Variants in CCDC3 observed in about 807,000 individuals in gnomAD.
CCDC3 encodes coiled-coil domain containing 3, also known as coiled-coil domain-containing protein 3.
CCDC3 carries 24 observed loss-of-function variants against 21.4 expected under a neutral mutation model. That is an observed-to-expected ratio of 1.12 (90% CI 0.81 to 1.58). The LOEUF (loss-of-function observed/expected upper bound fraction) is 1.58. Ranked by LOEUF, CCDC3 falls within the 40% of genes most tolerant of loss-of-function variation. The probability of loss-of-function intolerance (pLI) is 0.00; values close to 1 mark genes in which losing one functional copy is unlikely to be tolerated. For missense variants in CCDC3, 425 were observed against 360.9 expected, an observed-to-expected ratio of 1.18 and a Z score of -1.44; for synonymous variants, 186 against 166.0, an observed-to-expected ratio of 1.12 and a Z score of -0.93.
chr10:13,022,763 T>C (rs1329296083), intron 5 of CCDC3, among the ~76,000 whole-genome samples: 2 of 152,226 alleles, frequency 1.3e-5, no homozygotes, highest in African/African-American at 2.4e-5. Context: ...AAGATATTAG[T>C]ATCTATGTAT....
intron 4 of CCDC3, among the ~76,000 whole-genome samples, chr10:13,060,104 T>G (rs1659844): frequency 0.58 from 88,230 of 151,806 alleles, 26,438 homozygotes; most frequent in African/African-American, 0.73. Flanking sequence ...CAAAAAACAT[T>G]GTTTTTCTAC....
chr10:12,933,462 T>A (rs533323821), intron 2 of CCDC3, among the ~76,000 whole-genome samples: 1 of 151,120 alleles, frequency 6.6e-6, no homozygotes, highest in African/African-American at 2.4e-5. Context: ...CCCTTTATTT[T>A]TTTTTTTTTT....
At chr10:12,899,690 A>G (rs897095437) in intron 2 of CCDC3, among the ~76,000 whole-genome samples, 1 of 152,250 alleles carries the variant, frequency 6.6e-6, no homozygotes, top group Non-Finnish European at 1.5e-5. Context: ...GCTGTGCAGA[A>G]CAGTGTGTAT....
In CCDC3 at chr10:12,898,201, G is replaced by C; in HGVS notation, c.*215C>G. On this transcript the variant is annotated 3_prime_UTR_variant, in exon 3 of 3. Transcript: ENST00000378825. The stretch of plus-strand genomic sequence containing the variant: ...TCTGGACTGCCAGGCACTGCGTCTG[G>C]GGTCAGGCCAGGAAGGGGCAGCGCG... 1.7e-6 allele frequency: 1 copy of C among 599,070 alleles called. No individual in the cohort carries two copies. Among genetic ancestry groups the C allele is most frequent in the Non-Finnish European group, 2.9e-6 (1 of 346,188 alleles). The allele number at this position is 599,070 out of a possible 1,614,324, so 37.1% of individuals were successfully genotyped here. A position where few individuals can be genotyped will look rare whatever the true frequency, so the allele number is the denominator to read the frequency against.
chr10:12,982,025 C>T (rs111919335), intron 2 of CCDC3, among the ~76,000 whole-genome samples: 3 of 144,362 alleles, frequency 2.1e-5, no homozygotes, highest in Admixed American at 7.4e-5. Flanking sequence ...TGGAGGCTGA[C>T]GCAGGAGAAT....
chr10:12,898,672 C>A lies in CCDC3; in HGVS notation c.557G>T (p.Cys186Phe). The change falls in exon 3 of 3, where the codon TGC (cysteine) becomes TTC (phenylalanine). Residue 186 changes from cysteine to phenylalanine, a missense_variant. Coordinates refer to ENST00000378825, the MANE Select transcript of CCDC3 (RefSeq NM_031455.4). ...WEIQEDSRLM[C>F]SSVQKALFEE... Reference sequence around the variant, plus strand: ...AAACAAGGCCTTCTGCACCGAGGAGCACATGAGCTGGAGGCAGAGACAGCG... The same window carrying A: ...AAACAAGGCCTTCTGCACCGAGGAGAACATGAGCTGGAGGCAGAGACAGCG... 1 of 1,614,054 alleles carries A rather than the reference C, an allele frequency of 6.2e-7. No homozygotes were observed. The highest frequency in any genetic ancestry group is 8.5e-7 in the Non-Finnish European group (1 of 1,179,930).
chr10:12,899,090 C>T (rs1036806560), intron 2 of CCDC3, among the ~76,000 whole-genome samples: 4 of 152,026 alleles, frequency 2.6e-5, no homozygotes, highest in African/African-American at 4.8e-5. Flanking sequence ...CTTACATTCG[C>T]GAAGGCTCTG....
At chr10:12,974,878 G>A (rs1392705932) in intron 2 of CCDC3, among the ~76,000 whole-genome samples, 2 of 152,162 alleles carry the variant, frequency 1.3e-5, no homozygotes, top group Non-Finnish European at 2.9e-5. Context: ...ATCGTTGAAC[G>A]TTACTAATAT....
chr10:12,971,681 G>T (rs573113974), intron 2 of CCDC3, among the ~76,000 whole-genome samples: 5 of 151,978 alleles, frequency 3.3e-5, no homozygotes, highest in Non-Finnish European at 7.4e-5. Context: ...CCCAAGCCCC[G>T]AAGTTTTTAT....
intron 2 of CCDC3, among the ~76,000 whole-genome samples, chr10:12,915,813 T>G (rs4750282): frequency 1.3e-5 from 2 of 152,100 alleles, no homozygotes; most frequent in Non-Finnish European, 2.9e-5. Context: ...TGGTGGACCT[T>G]GACCCTGGAT....
intron 4 of CCDC3, among the ~76,000 whole-genome samples, chr10:13,068,904 T>C (rs1210892437): frequency 6.6e-6 from 1 of 152,198 alleles, no homozygotes; most frequent in Admixed American, 6.5e-5. Context: ...GCTTGAAGGA[T>C]TGTTTTGAAT....
intron 2 of CCDC3, among the ~76,000 whole-genome samples, chr10:12,932,569 C>T (rs72775702): frequency 0.021 from 3,202 of 152,238 alleles, 42 homozygotes; most frequent in Middle Eastern, 0.054. Context: ...GAGTCTTTTG[C>T]TATTTGGGGG....
chr10:13,061,249 A>C (rs1169835702), intron 4 of CCDC3, among the ~76,000 whole-genome samples: 1 of 152,182 alleles, frequency 6.6e-6, no homozygotes, highest in Admixed American at 6.5e-5. Flanking sequence ...GCTGGAACAC[A>C]CAGTTCCACC....
At chr10:12,958,827 C>T (rs951615308) in intron 2 of CCDC3, among the ~76,000 whole-genome samples, 3 of 152,126 alleles carry the variant, frequency 2.0e-5, no homozygotes, top group Non-Finnish European at 2.9e-5. Context: ...GGGAACAGCA[C>T]GCTTCTTTCC....
chr10:12,974,285 G>A (rs78873219), intron 2 of CCDC3, among the ~76,000 whole-genome samples: 3,455 of 152,306 alleles, frequency 0.023, 126 homozygotes, highest in African/African-American at 0.078. Context: ...GGAGGGGGCC[G>A]CTTTCTGAAC....
chr10:12,931,208 CAAAAA>C (rs67541166), intron 2 of CCDC3, among the ~76,000 whole-genome samples: 62 of 75,044 alleles, frequency 8.3e-4, no homozygotes, highest in Non-Finnish European at 1.3e-3. Context: ...AAGACTCTGT[CAAAAA>C]AAAAAAAAAA....
At chr10:13,055,152 T>A (rs1442871196) in intron 4 of CCDC3, among the ~76,000 whole-genome samples, 1 of 152,162 alleles carries the variant, frequency 6.6e-6, no homozygotes, top group East Asian at 1.9e-4. Context: ...CTGGGTTCTC[T>A]CCATCAAGGC....
rs1474306439 is a variant in CCDC3, at chr10:13,015,177, G to A, written c.-1-16665C>T. Among the ~76,000 whole-genome samples the A allele has an allele frequency of 3.3e-5, 5 of 151,988 alleles. 1 individual carries two copies. Among genetic ancestry groups the A allele is most frequent in the Non-Finnish European group, 7.4e-5 (5 of 67,940 alleles). On this transcript the variant is annotated intron_variant, in intron 5 of 6. Transcript: ENST00000378839. ...GTGGTAGCTATTGGTCATTCACTTTGTTTCATAAATATGATTTATGTATTT... is the reference window on the plus strand; with the variant it reads ...GTGGTAGCTATTGGTCATTCACTTTATTTCATAAATATGATTTATGTATTT...
At chr10:12,942,417 T>C (rs1189326239) in intron 2 of CCDC3, among the ~76,000 whole-genome samples, 1 of 152,206 alleles carries the variant, frequency 6.6e-6, no homozygotes, top group Non-Finnish European at 1.5e-5. Context: ...TCCAAAGTCA[T>C]TTCTTTTCTA....
Sources: gnomAD v4.1 joint callset for allele counts (sites outside exome capture counted in the v4.1 genomes callset) on GRCh38, gnomAD v4.1.1 for gene constraint, MANE v1.5 for transcripts, NCBI Gene and HGNC (gene_info 2026-07-23, HGNC 2026-07-21) for gene names.